CADPS: variants seen among roughly 807,000 people sequenced by gnomAD.
CADPS encodes the protein calcium-dependent secretion activator 1.
A neutral mutation model predicts 167.3 loss-of-function variants in CADPS; 57 were observed. That is an observed-to-expected ratio of 0.34 (90% CI 0.28 to 0.42). The LOEUF is 0.42. Among genes scored for constraint, CADPS ranks in the 20% least tolerant of loss-of-function variants. The pLI is 1.00. For missense variants in CADPS, 1,414 were observed against 1,738.1 expected (o/e 0.81, Z 3.32); for synonymous variants, 676 against 635.3 (o/e 1.06, Z -0.96).
chr3:62,757,560 G>A (rs937570360), intron 2 of CADPS, among the ~76,000 whole-genome samples: 10 of 152,078 alleles, frequency 6.6e-5, no homozygotes, highest in Admixed American at 3.9e-4. Context: ...GAAGGTCAAC[G>A]GGAAACCAGC....
intron 9 of CADPS, 60 bp downstream of exon 9, chr3:62,570,812 T>C: frequency 2.7e-6 from 3 of 1,117,632 alleles, no homozygotes; most frequent in Non-Finnish European, 4.1e-6. Context: ...TTAAAAAGCA[T>C]TCATTCATTC....
At chr3:62,635,542 A>AT (rs949118247) in intron 6 of CADPS, among the ~76,000 whole-genome samples, 8 of 151,882 alleles carry the variant, frequency 5.3e-5, no homozygotes, top group African/African-American at 1.9e-4. Flanking sequence ...TGGTGCATAT[A>AT]TTTTTATGTG....
At chr3:62,786,670 T>C (rs1272238316) in intron 1 of CADPS, among the ~76,000 whole-genome samples, 2 of 148,900 alleles carry the variant, frequency 1.3e-5, no homozygotes, top group Non-Finnish European at 2.9e-5. Context: ...CATGCACATG[T>C]GCACACACAC....
At position 62,478,876 on chromosome 3, in the gene CADPS, CTT is replaced by C. The variant is rs1039235357; in HGVS notation, c.3174-462_3174-461del. Among the ~76,000 whole-genome samples the C allele has an allele frequency of 8.3e-4, 126 of 152,274 alleles. No individual in the cohort carries two copies. Among genetic ancestry groups the C allele is most frequent in the African/African-American group, 2.9e-3 (121 of 41,558 alleles). On this transcript the variant is annotated intron_variant, in intron 22 of 29. Transcript: ENST00000383710. The surrounding 1 kb of genome is among the most constrained non-coding windows in gnomAD (Gnocchi z 5.7). ...GAGACCTCTTGGAGATTGCACAAGA[CTT>C]TTCGTTTTCAAAGGACAGTGCTAAC...
intron 6 of CADPS, among the ~76,000 whole-genome samples, chr3:62,614,008 C>A (rs1223277907): frequency 6.6e-6 from 1 of 152,152 alleles, no homozygotes; most frequent in African/African-American, 2.4e-5. Context: ...ACCTCCAACT[C>A]CCTGCCTGCT....
intron 6 of CADPS, among the ~76,000 whole-genome samples, chr3:62,636,628 G>A (rs751116989): frequency 1.3e-5 from 2 of 152,174 alleles, no homozygotes; most frequent in African/African-American, 2.4e-5. Flanking sequence ...CAGCACAGGG[G>A]CGTTGCTGGA....
Position 62,493,646 on chromosome 3 carries a change from TCTC to T in CADPS, c.2723_2725del (p.Gly908del), listed in dbSNP as rs1443265649. The T allele has an allele frequency of 6.4e-7, 1 of 1,555,404 alleles. No individual in the cohort carries two copies. The highest frequency in any genetic ancestry group is 1.4e-5 in the African/African-American group (1 of 73,566). On this transcript the variant is annotated inframe_deletion and splice_region_variant, in exon 19 of 30. Coordinates refer to ENST00000383710, the MANE Select transcript of CADPS (RefSeq NM_003716.4). ...TTCACGAGATTTCACTTTACTTACT[TCTC>T]CTTTATCAACATGTGGCTGGTTTGC...
chr3:62,753,719 C>T lies in CADPS; in HGVS notation c.610G>A (p.Ala204Thr), dbSNP rs780636772. Residue 204 changes from alanine (A) to threonine (T), a missense_variant, in exon 3 of 30, where the codon GCC becomes ACC. By Grantham distance (58) the Ala-to-Thr change is moderately conservative. This residue lies in a region of CADPS where 522 missense variants were observed against 559.5 expected (regional missense o/e 0.93). Transcript: ENST00000383710. This position sits in a 1 kb window ranked among gnomAD's most constrained non-coding sequence, Gnocchi z 4.6. ...ARMVQSGGCS[A>T]NDSREVFKKH... ...TTGAAGACCTCCCGGGAGTCGTTGG[C>T]GGAACAGCCTCCACTCTGAACCATG... 1.3e-5 allele frequency: 21 copies of T among 1,613,976 alleles called. No individual in the cohort carries two copies. The highest frequency in any genetic ancestry group is 4.5e-5 in the East Asian group (2 of 44,890).
At chr3:62,806,958 C>T (rs2094132853) in intron 1 of CADPS, among the ~76,000 whole-genome samples, 1 of 150,068 alleles carries the variant, frequency 6.7e-6, no homozygotes, top group Non-Finnish European at 1.5e-5. Flanking sequence ...GTGAAGGCTA[C>T]AGTCCAAAAG....
intron 6 of CADPS, among the ~76,000 whole-genome samples, chr3:62,596,571 A>C (rs1007605339): frequency 1.3e-5 from 2 of 152,158 alleles, no homozygotes; most frequent in African/African-American, 4.8e-5. Flanking sequence ...CATCACCTCA[A>C]ATATTTATCA....
chr3:62,453,838 G>A lies in CADPS; in HGVS notation c.3637-8041C>T, dbSNP rs17066412. ...GCCTGAAATGTCTTCTTTGCTTACC[G>A]AACGTCAGTACTGTGCTGGGCCAGT... On this transcript the variant is annotated intron_variant, in intron 26 of 29. Coordinates refer to ENST00000383710, the MANE Select transcript of CADPS (RefSeq NM_003716.4). Among the ~76,000 whole-genome samples the A allele has an allele frequency of 0.01, 1,562 of 152,282 alleles. 133 individuals are homozygous for A. The East Asian group carries it at 0.21, about 20-fold the overall frequency.
chr3:62,623,152 C>T (rs1002777944), intron 6 of CADPS, among the ~76,000 whole-genome samples: 2 of 152,122 alleles, frequency 1.3e-5, no homozygotes, highest in Non-Finnish European at 2.9e-5. Context: ...ATTCCATTTT[C>T]TTTCTCTGGG....
intron 6 of CADPS, among the ~76,000 whole-genome samples, chr3:62,631,476 A>C (rs1456688128): frequency 6.6e-6 from 1 of 152,212 alleles, no homozygotes; most frequent in Non-Finnish European, 1.5e-5. Flanking sequence ...ATTTCTCTGA[A>C]TATTTTAATC....
chr3:62,440,804 T>C (rs184060999), intron 27 of CADPS: 1 of 152,156 alleles, frequency 6.6e-6, no homozygotes, highest in Non-Finnish European at 1.5e-5. Flanking sequence ...GGGAGGAGGC[T>C]GCCCAACTGC....
At chr3:62,785,791 C>A (rs1387956574) in intron 1 of CADPS, among the ~76,000 whole-genome samples, 1 of 152,012 alleles carries the variant, frequency 6.6e-6, no homozygotes, top group Non-Finnish European at 1.5e-5. Flanking sequence ...TTTATCAACA[C>A]TGAACCATGA....
intron 3 of CADPS, among the ~76,000 whole-genome samples, chr3:62,719,035 T>TTTG (rs1386858717): frequency 3.3e-5 from 5 of 152,230 alleles, no homozygotes; most frequent in African/African-American, 1.2e-4. Context: ...GACTCCTTTG[T>TTTG]GCATTCAGAG....
At chr3:62,819,920 T>G (rs2094819987) in intron 1 of CADPS, among the ~76,000 whole-genome samples, 1 of 152,182 alleles carries the variant, frequency 6.6e-6, no homozygotes, top group South Asian at 2.1e-4. Context: ...CTGTATCTCT[T>G]CTGAAATAAA....
chr3:62,634,420 T>C (rs1219539255), intron 6 of CADPS, among the ~76,000 whole-genome samples: 1 of 152,216 alleles, frequency 6.6e-6, no homozygotes, highest in Non-Finnish European at 1.5e-5. Context: ...GTTCCACTAA[T>C]AGAATTCAAC....
At chr3:62,835,615 TGA>T (rs1290791306) in intron 1 of CADPS, among the ~76,000 whole-genome samples, 1 of 152,084 alleles carries the variant, frequency 6.6e-6, no homozygotes, top group Non-Finnish European at 1.5e-5. Context: ...TGTCTTATTA[TGA>T]GAGAGAGAGC....
Sources: gnomAD v4.1 joint callset for allele counts (sites outside exome capture counted in the v4.1 genomes callset) on GRCh38, gnomAD v4.1.1 for gene constraint, gnomAD v4.1.1 regional missense constraint, Gnocchi (gnomAD v3.1) non-coding constraint, MANE v1.5 for transcripts, NCBI Gene and HGNC (gene_info 2026-07-23, HGNC 2026-07-21) for gene names.